Variants in SH3KBP1 observed in about 807,000 individuals in gnomAD.
SH3KBP1 encodes the protein SH3 domain containing kinase binding protein 1, also known as SH3 domain-containing kinase-binding protein 1.
A neutral mutation model predicts 50.1 loss-of-function variants in SH3KBP1; 8 were observed. That is an observed-to-expected ratio of 0.16 (90% CI 0.09 to 0.29). SH3KBP1 has a LOEUF of 0.29. Among genes scored for constraint, SH3KBP1 ranks in the 10% least tolerant of loss-of-function variants. The pLI, the probability that SH3KBP1 is intolerant of heterozygous loss-of-function variation, is 1.00. For synonymous variants in SH3KBP1, 227 were observed against 218.6 expected, an observed-to-expected ratio of 1.04 and a Z score of -0.34; for missense variants, 377 against 535.2, an observed-to-expected ratio of 0.70 and a Z score of 2.92.
intron 3 of SH3KBP1, among the ~76,000 whole-genome samples, chrX:19,714,507 T>C: frequency 9.9e-6 from 1 of 101,171 alleles, no homozygotes; most frequent in South Asian, 3.9e-4. Flanking sequence ...ATAAAATTTA[T>C]TTAAAAAAAA....
intron 4 of SH3KBP1, among the ~76,000 whole-genome samples, chrX:19,705,790 C>T (rs973907762): frequency 8.9e-6 from 1 of 111,778 alleles, no homozygotes; most frequent in African/African-American, 3.3e-5. Context: ...TAAATTTTGA[C>T]GAGCAGAAAT....
intron 6 of SH3KBP1, among the ~76,000 whole-genome samples, chrX:19,657,660 G>A (rs998247047): frequency 9.3e-5 from 10 of 107,440 alleles, no homozygotes; most frequent in African/African-American, 1.7e-4. Context: ...CCCGGGAGGC[G>A]GAGGTTGCAG....
At chrX:19,861,468 A>G (rs999764480) in intron 1 of SH3KBP1, among the ~76,000 whole-genome samples, 32 of 111,915 alleles carry the variant, frequency 2.9e-4, no homozygotes, top group Non-Finnish European at 1.3e-4. Flanking sequence ...GAGGACTTCA[A>G]AAAGTTCATG....
chrX:19,771,734 C>T (rs773846118), intron 2 of SH3KBP1, among the ~76,000 whole-genome samples: 2 of 109,103 alleles, frequency 1.8e-5, no homozygotes, highest in African/African-American at 3.3e-5. Context: ...CATGGTGGTG[C>T]GCACCAGTAA....
At chrX:19,735,724 CGGG>C (rs1175892426) in intron 3 of SH3KBP1, among the ~76,000 whole-genome samples, 9 of 8,600 alleles carry the variant, frequency 1.0e-3, no homozygotes, top group African/African-American at 3.4e-3. Context: ...TTTTTTTTGG[CGGG>C]GGGGGGGGGT....
intron 12 of SH3KBP1, among the ~76,000 whole-genome samples, chrX:19,576,683 T>C (rs59602899): frequency 0.024 from 2,637 of 112,105 alleles, 71 homozygotes; most frequent in African/African-American, 0.081. Context: ...CCTCCAGCAG[T>C]CCTCCAGCCT....
chrX:19,718,635 T>C (rs2063976163), intron 3 of SH3KBP1, among the ~76,000 whole-genome samples: 1 of 112,421 alleles, frequency 8.9e-6, no homozygotes, highest in African/African-American at 3.2e-5. Context: ...GATCACACTT[T>C]GATTACATTA....
intron 4 of SH3KBP1, among the ~76,000 whole-genome samples, chrX:19,700,250 G>A (rs948588474): frequency 1.8e-5 from 2 of 111,824 alleles, no homozygotes; most frequent in Non-Finnish European, 3.8e-5. Context: ...TTTTTCAGGA[G>A]TAACTAAATG....
chrX:19,725,363 G>A (rs1168608057), intron 3 of SH3KBP1, among the ~76,000 whole-genome samples: 1 of 109,805 alleles, frequency 9.1e-6, no homozygotes, highest in Non-Finnish European at 1.9e-5. Context: ...CCAGCTACTC[G>A]GGTAGGCTGA....
intron 3 of SH3KBP1, among the ~76,000 whole-genome samples, chrX:19,741,463 G>A (rs925096620): frequency 8.9e-6 from 1 of 112,393 alleles, no homozygotes; most frequent in Non-Finnish European, 1.9e-5. Flanking sequence ...GTAGCAGAGC[G>A]ACTTAAAAAG....
intron 2 of SH3KBP1, among the ~76,000 whole-genome samples, chrX:19,759,019 T>C (rs773954530): frequency 8.9e-6 from 1 of 112,339 alleles, no homozygotes; most frequent in African/African-American, 3.2e-5. Context: ...ATATTTTAAA[T>C]AGAAAAAGAA....
chrX:19,634,093 T>A (rs953361227), intron 7 of SH3KBP1, among the ~76,000 whole-genome samples: 24 of 63,534 alleles, frequency 3.8e-4, no homozygotes, highest in Non-Finnish European at 6.0e-4. Context: ...TGTGTGTGTG[T>A]GTGACAGAGG....
At chrX:19,687,590 T>G in intron 5 of SH3KBP1, 2 of 1,153,064 alleles carry the variant, frequency 1.7e-6, no homozygotes, top group Non-Finnish European at 2.4e-6. Flanking sequence ...ATCTTTACAA[T>G]TGCCTTCTGC....
At chrX:19,841,261 A>G (rs1424625569) in intron 1 of SH3KBP1, among the ~76,000 whole-genome samples, 2 of 111,379 alleles carry the variant, frequency 1.8e-5, no homozygotes, top group South Asian at 3.8e-4. Flanking sequence ...TCACCTCACT[A>G]TAATTTCACA....
intron 1 of SH3KBP1, among the ~76,000 whole-genome samples, chrX:19,841,149 ATGGCGGTGGTGG>A (rs925805866): frequency 1.6e-4 from 18 of 111,532 alleles, no homozygotes; most frequent in Middle Eastern, 4.6e-3. Context: ...GCTTCTCACT[ATGGCGGTGGTGG>A]TGGCGGTGGT....
chrX:19,575,863 A>G (rs1280033865), intron 12 of SH3KBP1, among the ~76,000 whole-genome samples: 1 of 111,999 alleles, frequency 8.9e-6, no homozygotes, highest in Non-Finnish European at 1.9e-5. Flanking sequence ...CTGACACCCA[A>G]TGAGGATGCA....
At chrX:19,596,824 A>G (rs1424356385) in intron 9 of SH3KBP1, among the ~76,000 whole-genome samples, 1 of 112,083 alleles carries the variant, frequency 8.9e-6, no homozygotes, top group Admixed American at 9.5e-5. Context: ...GATTGCAGCA[A>G]TTCAGTCATA....
intron 6 of SH3KBP1, among the ~76,000 whole-genome samples, chrX:19,676,166 T>C (rs1341404503): frequency 1.8e-5 from 2 of 112,123 alleles, no homozygotes; most frequent in African/African-American, 6.5e-5. Flanking sequence ...TTGTGTTTAA[T>C]TAGTCAAAGA....
chrX:19,652,215 G>A (rs1302611885), intron 6 of SH3KBP1, among the ~76,000 whole-genome samples: 1 of 111,511 alleles, frequency 9.0e-6, no homozygotes, highest in African/African-American at 3.3e-5. Context: ...TGTCTGGGAT[G>A]TCTTCCGGGG....
Sources: gnomAD v4.1 joint callset for allele counts (sites outside exome capture counted in the v4.1 genomes callset) on GRCh38, gnomAD v4.1.1 for gene constraint, MANE v1.5 for transcripts, NCBI Gene and HGNC (gene_info 2026-07-23, HGNC 2026-07-21) for gene names.